The following LRRC43 variants were observed in gnomAD, a reference collection of about 807,000 sequenced individuals.
The protein encoded by LRRC43 is leucine rich repeat containing 43, also known as leucine-rich repeat-containing protein 43.
In LRRC43, 62 loss-of-function variants were observed where a neutral mutation model predicts 64.3. The ratio of observed to expected loss-of-function variants is 0.96; its 90% CI spans 0.79 to 1.19. The LOEUF is 1.19. LRRC43 is among the 50% of genes most tolerant of loss of function. The probability of loss-of-function intolerance (pLI) is 0.00; values close to 1 mark genes in which losing one functional copy is unlikely to be tolerated. For missense variants in LRRC43, 868 were observed against 845.0 expected (o/e 1.03, Z -0.34); for synonymous variants, 422 against 382.3 (o/e 1.10, Z -1.21).
In LRRC43 at chr12:122,201,299, T is replaced by G; in HGVS notation, c.1813T>G (p.Ser605Ala). 1.9e-6 allele frequency: 3 copies of G among 1,614,038 alleles called. No individual in the cohort carries two copies. The highest frequency in any genetic ancestry group is 2.5e-6 in the Non-Finnish European group (3 of 1,179,928). ...GTTTTGTGGTTCTTTCTCTCAGGATTCAAAGAAGATTAAGAAAGTTGCCAA... is the reference window on the plus strand; with the variant it reads ...GTTTTGTGGTTCTTTCTCTCAGGATGCAAAGAAGATTAAGAAAGTTGCCAA... Reference protein sequence around the residue: ...TSDRLTLARDSKKIKKVAKKE... With the variant: ...TSDRLTLARDAKKIKKVAKKE... Residue 605 changes from serine (S) to alanine (A), a missense_variant, in exon 11 of 12, where the codon TCA becomes GCA. Physicochemically the swap from Ser to Ala is moderately conservative, Grantham distance 99 (BLOSUM62 1). Coordinates refer to ENST00000339777, the MANE Select transcript of LRRC43 (RefSeq NM_001098519.2).
intron 1 of LRRC43, among the ~76,000 whole-genome samples, chr12:122,173,471 G>T (rs1230950730): frequency 6.6e-6 from 1 of 152,192 alleles, no homozygotes; most frequent in Non-Finnish European, 1.5e-5. Flanking sequence ...ATCACTTGAG[G>T]TCAGGAGTTC....
rs554016266 is a variant in LRRC43, at chr12:122,193,370, A to G, written c.1349+366A>G. 8.4e-5 allele frequency among the ~76,000 whole-genome samples: 10 copies of G among 118,584 alleles called. No homozygotes were observed. In the South Asian group the frequency reaches 2.8e-3, roughly 33 times the overall value. 77.8% of individuals were successfully genotyped at this position (118,584 alleles called of 152,430 possible). A position where few individuals can be genotyped will look rare whatever the true frequency, so the allele number is the denominator to read the frequency against. On this transcript the variant is annotated intron_variant, in intron 7 of 11. Transcript: ENST00000339777. The stretch of plus-strand genomic sequence containing the variant: ...CGCTCCAGCCCGGCGACAGAGCGAG[A>G]CTCCGTCTCATAAAAAAAAAAAAAA...
At chr12:122,174,603 C>G (rs772406233) in intron 1 of LRRC43, among the ~76,000 whole-genome samples, 1 of 152,092 alleles carries the variant, frequency 6.6e-6, no homozygotes, top group African/African-American at 2.4e-5. Context: ...GGAGGAAATG[C>G]GAAGCCGGCA....
At chr12:122,180,648 G>A (rs1953573916), upstream of LRRC43, among the ~76,000 whole-genome samples, 1 of 152,188 alleles carries the variant, frequency 6.6e-6, no homozygotes, top group Non-Finnish European at 1.5e-5. Flanking sequence ...CTTCCTGGCT[G>A]GGCCTCTTCT....
At position 122,184,763 on chromosome 12, in the gene LRRC43, G is replaced by A. The variant is rs199554806; in HGVS notation, c.395G>A (p.Arg132Gln). Residue 132 changes from arginine to glutamine, a missense_variant, in exon 2 of 12, where the codon CGG (arginine) becomes CAG (glutamine). Coordinates refer to ENST00000339777, the MANE Select transcript of LRRC43 (RefSeq NM_001098519.2). This position sits in a 1 kb window ranked among gnomAD's most constrained non-coding sequence, Gnocchi z 4.0. ...TTCTACTCCTACTTCCGGTCCCTGC[G>A]GGTAATAGACAAGAAGGTCAGTGCT... ...TFFYSYFRSL[R>Q]VIDKKVTLVD... The A allele has an allele frequency of 1.1e-5, 17 of 1,604,408 alleles. No individual in the cohort carries two copies. Among genetic ancestry groups the A allele is most frequent in the Middle Eastern group, 1.7e-4 (1 of 6,044 alleles).
chr12:122,200,523 T>C lies in LRRC43; in HGVS notation c.1492-9T>C, dbSNP rs983445199. 6.2e-7 allele frequency: 1 copy of C among 1,614,062 alleles called. No homozygotes were observed. The highest frequency in any genetic ancestry group is 1.1e-5 in the South Asian group (1 of 91,046). On this transcript the variant is annotated splice_polypyrimidine_tract_variant and intron_variant, in intron 8 of 11. Transcript: ENST00000339777. This position sits in a 1 kb window ranked among gnomAD's most constrained non-coding sequence, Gnocchi z 4.6. ...CTCTGCTCACTCGAGGATTCTCTCC[T>C]GCCCCTAGATTCTCTCCTGGCCTGT...
intron 1 of LRRC43, among the ~76,000 whole-genome samples, chr12:122,171,775 C>T (rs1447952575): frequency 6.6e-6 from 1 of 152,038 alleles, no homozygotes; most frequent in Non-Finnish European, 1.5e-5. Flanking sequence ...CACTATGTTG[C>T]CCAGGCTGGT....
At chr12:122,169,755 C>T (rs934453125) in intron 1 of LRRC43, among the ~76,000 whole-genome samples, 3 of 144,836 alleles carry the variant, frequency 2.1e-5, no homozygotes, top group East Asian at 2.0e-4. Context: ...CTATAAGGAA[C>T]ATTTGAACCT....
rs981524567 is a variant in LRRC43, at chr12:122,200,166, G to A, written c.1350-23G>A. The A allele has an allele frequency of 6.2e-6, 10 of 1,607,756 alleles. No homozygotes were observed. The highest frequency in any genetic ancestry group is 4.4e-5 in the South Asian group (4 of 90,404). On this transcript the variant is annotated intron_variant, in intron 7 of 11. Transcript: ENST00000339777. This position sits in a 1 kb window ranked among gnomAD's most constrained non-coding sequence, Gnocchi z 4.6. ...ACAGCCCCTGGGTGACGGCACCCCC[G>A]TCTTCATCCCTCCCTCCCCAAGGAC...
chr12:122,177,167 G>A (rs1477081727), intron 1 of LRRC43, among the ~76,000 whole-genome samples: 1 of 152,280 alleles, frequency 6.6e-6, no homozygotes, highest in Middle Eastern at 3.4e-3. Context: ...AAAATAGAGA[G>A]ATTTTCCTGC....
intron 4 of LRRC43, chr12:122,189,553 T>C (rs927096627): frequency 2.2e-6 from 1 of 454,974 alleles, no homozygotes; most frequent in African/African-American, 2.0e-5. Context: ...TGTCTTGGTC[T>C]GGCCACAGGC....
intron 3 of LRRC43, 36 bp from the exon 4 acceptor site, chr12:122,187,665 G>T (rs1953660733): frequency 6.2e-7 from 1 of 1,606,436 alleles, no homozygotes; most frequent in South Asian, 1.1e-5. Context: ...CTGACTTGGG[G>T]CCCCATCGTC....
chr12:122,188,358 C>T (rs1953672491), intron 4 of LRRC43, among the ~76,000 whole-genome samples: 1 of 151,860 alleles, frequency 6.6e-6, no homozygotes, highest in Non-Finnish European at 1.5e-5. Flanking sequence ...CCGCCCGTCT[C>T]GGCCTCCCAA....
Position 122,174,044 on chromosome 12 carries a change from C to T in LRRC43, c.-406+6262C>T, listed in dbSNP as rs115451877. On this transcript the variant is annotated intron_variant, in intron 1 of 5. Coordinates refer to the LRRC43 transcript ENST00000537729. ...CATACATCACACACCCCTGCCCACC[C>T]TGGCTCCATCCCTGCAGCCCTGCTG... 687 of 1,613,334 alleles carry T rather than the reference C, an allele frequency of 4.3e-4. 5 individuals carry two copies. The African/African-American group carries it at 8.1e-3, about 19-fold the overall frequency.
chr12:122,199,957 C>A (rs532116586), intron 7 of LRRC43, among the ~76,000 whole-genome samples: 24 of 152,202 alleles, frequency 1.6e-4, no homozygotes, highest in African/African-American at 5.3e-4. Flanking sequence ...GGTGGTCCTG[C>A]CTCTGAAGGA....
intron 6 of LRRC43, 47 bp downstream of exon 6, chr12:122,191,614 C>T: frequency 6.9e-7 from 1 of 1,458,982 alleles, no homozygotes; most frequent in Non-Finnish European, 9.4e-7. Context: ...CTTGTGAAGG[C>T]TGAACTGCTT....
intron 7 of LRRC43, among the ~76,000 whole-genome samples, chr12:122,199,773 G>A (rs1212772489): frequency 2.6e-5 from 4 of 151,972 alleles, no homozygotes; most frequent in Non-Finnish European, 4.4e-5. Flanking sequence ...TTGTAGAAAC[G>A]GGGTCTCGAT....
intron 1 of LRRC43, among the ~76,000 whole-genome samples, chr12:122,170,507 T>C (rs915456713): frequency 2.0e-5 from 3 of 152,092 alleles, no homozygotes; most frequent in Non-Finnish European, 4.4e-5. Flanking sequence ...GGCGGGCGCC[T>C]GTAGTCCCAG....
intron 1 of LRRC43, 24 bp downstream of exon 1, chr12:122,183,318 C>T: frequency 6.8e-7 from 1 of 1,463,046 alleles, no homozygotes; most frequent in Non-Finnish European, 8.9e-7. Context: ...GGCCGGAACT[C>T]TGGGGGCCTG....
Sources: allele counts gnomAD v4.1 joint callset (sites outside exome capture counted in the v4.1 genomes callset), GRCh38; gene constraint gnomAD v4.1.1; non-coding constraint Gnocchi (gnomAD v3.1); transcripts MANE v1.5; gene names NCBI Gene and HGNC (gene_info 2026-07-23, HGNC 2026-07-21).